The following CLIC3 variants were observed in gnomAD, a reference collection of about 807,000 sequenced individuals.
CLIC3 encodes chloride intracellular channel protein 3.
Under a neutral mutation model 19.9 loss-of-function variants are expected in CLIC3, and 29 were observed. The ratio of observed to expected loss-of-function variants is 1.46; its 90% confidence interval spans 1.09 to 1.99. The LOEUF (loss-of-function observed/expected upper bound fraction) is 1.99. CLIC3 is among the 30% of genes most tolerant of loss of function. The pLI is 0.00. For missense variants in CLIC3, 365 were observed against 342.6 expected (o/e 1.07, Z -0.52); for synonymous variants, 143 against 156.4 (o/e 0.91, Z 0.64).
intron 1 of CLIC3, 151 bp downstream of exon 1, chr9:136,996,360 C>A: frequency 1.4e-6 from 1 of 706,760 alleles, no homozygotes; most frequent in Non-Finnish European, 2.4e-6. Flanking sequence ...CTTTACTCAG[C>A]CTCTGTAGGG....
At position 136,994,785 on chromosome 9, in the gene CLIC3, G is replaced by C. The variant is rs1304742111; in HGVS notation, c.607C>G (p.Arg203Gly). ...TGCATCGCGCTGTCCAGGTAGCGGC[G>C]TACGCCGCGCAGCTCCGCGGGGATG... ...APIPAELRGV[R>G]RYLDSAMQEK... The change falls in exon 6 of 6, where the codon CGC becomes GGC. Residue 203 changes from arginine to glycine, a missense_variant. Arg to Gly is a moderately radical substitution (Grantham distance 125). Transcript: ENST00000494426. The C allele has an allele frequency of 6.3e-7, 1 of 1,595,332 alleles. No homozygotes were observed. The highest frequency in any genetic ancestry group is 1.1e-5 in the South Asian group (1 of 88,556).
chr9:136,996,465 G>C, intron 1 of CLIC3, 46 bp downstream of exon 1: 1 of 1,530,008 alleles, frequency 6.5e-7, no homozygotes, highest in Non-Finnish European at 8.9e-7. Context: ...GCCCAGAAAA[G>C]CGCTTCCTCC....
Position 136,995,504 on chromosome 9 carries a change from G to T in CLIC3, c.207C>A (p.Ser69Arg), listed in dbSNP as rs746331480. Residue 69 changes from serine (S) to arginine (R), a missense_variant, in exon 3 of 6, where the codon AGC (serine) becomes AGA (arginine). By Grantham distance (110) the Ser-to-Arg change is moderately radical. Coordinates refer to ENST00000494426, the MANE Select transcript of CLIC3 (RefSeq NM_004669.3). The stretch of plus-strand genomic sequence containing the variant: ...TCTGCAGCGTGTCTGTCTTGGCGTC[G>T]CTGTCATAGAGCAGGATGGGCAGCT... ...GSQLPILLYD[S>R]DAKTDTLQIE... 3 of 1,612,556 alleles carry T rather than the reference G, an allele frequency of 1.9e-6. No individual in the cohort carries two copies. Among genetic ancestry groups the T allele is most frequent in the South Asian group, 1.1e-5 (1 of 91,088 alleles).
In CLIC3 at chr9:136,995,692, G is replaced by A; in HGVS notation, c.99C>T (p.Leu33=). ...PSCQRLFMVL[L]LKGVPFTLTT... is the part of the protein sequence containing the mutation. ...TGAGGGTGAAAGGTACGCCCTTGAG[G>A]AGCAGGACCATGAAGAGCCGCTGGC... is the stretch of plus-strand genomic sequence containing the variant. Residue 33 remains leucine (L), a synonymous_variant, in exon 2 of 6, where the codon CTC becomes CTT. Transcript: ENST00000494426. The A allele has an allele frequency of 1.2e-5, 19 of 1,608,424 alleles. No individual in the cohort carries two copies. Among genetic ancestry groups the A allele is most frequent in the Non-Finnish European group, 1.5e-5 (18 of 1,178,312 alleles).
At position 136,996,533 on chromosome 9, in the gene CLIC3, G is replaced by C; in HGVS notation, c.11C>G (p.Thr4Ser). Reference protein sequence around the residue: MAETKLQLFVKASE... With the variant: MAESKLQLFVKASE... ...CACCTTGACAAACAGCTGGAGCTTG[G>C]TCTCCGCCATGGTGGGAGCTGCCGC... is the stretch of plus-strand genomic sequence containing the variant. Residue 4 changes from threonine to serine, a missense_variant, in exon 1 of 6, where the codon ACC becomes AGC. Physicochemically the swap from Thr to Ser is moderately conservative, Grantham distance 58. Coordinates refer to ENST00000494426, the MANE Select transcript of CLIC3 (RefSeq NM_004669.3). 1 of 1,554,890 alleles carries C rather than the reference G, an allele frequency of 6.4e-7. No individual in the cohort carries two copies. Among genetic ancestry groups the C allele is most frequent in the Non-Finnish European group, 8.7e-7 (1 of 1,148,716 alleles).
chr9:136,994,993 G>A lies in CLIC3; in HGVS notation c.489C>T (p.Phe163=), dbSNP rs1299837967. ...CCAGCGTGAGCCTGTCGCCGTCCAG[G>A]AAGCGGCGGCGGGACTCGCGCAGCT... ...EPQLRESRRR[F]LDGDRLTLAD... is the part of the protein sequence containing the mutation. Residue 163 remains phenylalanine, a synonymous_variant, in exon 5 of 6, where the codon TTC becomes TTT. Transcript: ENST00000494426. 4.6e-6 allele frequency: 7 copies of A among 1,506,544 alleles called. No homozygotes were observed. In the African/African-American group the frequency reaches 1.0e-4, roughly 22 times the overall value. The allele number at this position is 1,506,544 out of a possible 1,614,324, so 93.3% of individuals were successfully genotyped here.
intron 4 of CLIC3, 21 bp from the exon 5 acceptor site, chr9:136,995,126 T>C: frequency 1.9e-6 from 3 of 1,576,046 alleles, no homozygotes; most frequent in Non-Finnish European, 2.6e-6. Flanking sequence ...GGCGGCGCGG[T>C]GAGGACCAGG....
In CLIC3 at chr9:136,994,667, C is replaced by T. The variant is rs1350339498; in HGVS notation, c.*14G>A. On this transcript the variant is annotated 3_prime_UTR_variant, in exon 6 of 6. Coordinates refer to ENST00000494426, the MANE Select transcript of CLIC3 (RefSeq NM_004669.3). ...AAAGATGCCTTTATTGGGCGACAGA[C>T]GCGGGGTGGGGCGCTAGCGGGGGTG... 2 of 1,601,684 alleles carry T rather than the reference C, an allele frequency of 1.2e-6. No homozygotes were observed. Among genetic ancestry groups the T allele is most frequent in the Non-Finnish European group, 8.5e-7 (1 of 1,174,424 alleles).
rs1830694272 is a variant in CLIC3, at chr9:136,995,698, G to A, written c.93C>T (p.Val31=). 6.2e-7 allele frequency: 1 copy of A among 1,607,054 alleles called. No homozygotes were observed. The highest frequency in any genetic ancestry group is 8.5e-7 in the Non-Finnish European group (1 of 1,177,852). Reference sequence around the variant, plus strand: ...TGAAAGGTACGCCCTTGAGGAGCAGGACCATGAAGAGCCGCTGGCAGGAGG... The same window carrying A: ...TGAAAGGTACGCCCTTGAGGAGCAGAACCATGAAGAGCCGCTGGCAGGAGG... ...HCPSCQRLFM[V]LLLKGVPFTL... The change falls in exon 2 of 6, where the codon GTC becomes GTT. Residue 31 remains valine, a synonymous_variant. Transcript: ENST00000494426.
Position 136,994,615 on chromosome 9 carries a change from A to G in CLIC3, c.*66T>C. On this transcript the variant is annotated 3_prime_UTR_variant, in exon 6 of 6. Transcript: ENST00000494426. ...GTGATCCCGAGACCTCTGGCCCTTC[A>G]GATGTCAGGACACCCTCACTCCCGA... The G allele has an allele frequency of 2.0e-6, 3 of 1,518,532 alleles. No homozygotes were observed. The highest frequency in any genetic ancestry group is 2.7e-6 in the Non-Finnish European group (3 of 1,123,214). The allele number at this position is 1,518,532 out of a possible 1,614,324, so 94.1% of individuals were successfully genotyped here.
chr9:136,994,806 G>A lies in CLIC3; in HGVS notation c.586C>T (p.Pro196Ser), dbSNP rs1372641236. The A allele has an allele frequency of 2.5e-6, 4 of 1,586,880 alleles. No individual in the cohort carries two copies. In the South Asian group the frequency reaches 3.4e-5, roughly 14 times the overall value. ...CGGCGTACGCCGCGCAGCTCCGCGG[G>A]GATGGGCGCCTGGCGGAAGTGCGCG... ...VCAHFRQAPI[P>S]AELRGVRRYL... The change falls in exon 6 of 6, where the codon CCC becomes TCC. Residue 196 changes from proline to serine, a missense_variant. Pro to Ser is a moderately conservative substitution (Grantham distance 74). Coordinates refer to ENST00000494426, the MANE Select transcript of CLIC3 (RefSeq NM_004669.3).
At position 136,995,583 on chromosome 9, in the gene CLIC3, G is replaced by T; in HGVS notation, c.144-16C>A. 6.2e-7 allele frequency: 1 copy of T among 1,611,408 alleles called. No homozygotes were observed. Among genetic ancestry groups the T allele is most frequent in the Non-Finnish European group, 8.5e-7 (1 of 1,179,012 alleles). The stretch of plus-strand genomic sequence containing the variant: ...GTCCGGGGACCTGCGGGCAGCAGCG[G>T]GGTGGGAGGAGGCCGGCCCACCAGT... On this transcript the variant is annotated splice_polypyrimidine_tract_variant and intron_variant, in intron 2 of 5. Transcript: ENST00000494426.
chr9:136,995,320 T>G, intron 3 of CLIC3, 28 bp from the exon 4 acceptor site: 1 of 1,609,108 alleles, frequency 6.2e-7, no homozygotes, highest in Non-Finnish European at 8.5e-7. Flanking sequence ...GGGACTCCAT[T>G]AGACTGGGGG....
intron 1 of CLIC3, 101 bp downstream of exon 1, chr9:136,996,410 G>T: frequency 9.0e-7 from 1 of 1,112,832 alleles, no homozygotes; most frequent in Non-Finnish European, 1.3e-6. Context: ...AAGGGGCTCA[G>T]ACATTACTGG....
rs761762969 is a variant in CLIC3 at position 136,995,539 on chromosome 9, G to T, written c.172C>A (p.Pro58Thr). The T allele has an allele frequency of 1.2e-6, 2 of 1,612,338 alleles. No homozygotes were observed. Among genetic ancestry groups the T allele is most frequent in the African/African-American group, 2.7e-5 (2 of 74,914 alleles). The change falls in exon 3 of 6, where the codon CCC becomes ACC. Residue 58 changes from proline (P) to threonine (T), a missense_variant. Physicochemically the swap from Pro to Thr is conservative, Grantham distance 38. Transcript: ENST00000494426. ...RSPDVLKDFA[P>T]GSQLPILLYD... is the part of the protein sequence containing the mutation. ...AGCAGGATGGGCAGCTGCGAGCCGG[G>T]GGCGAAGTCCTTCAGCACGTCCGGG...
rs1446983454 is a variant in CLIC3, at chr9:136,995,174, AC to A, written c.376+11del. 1 of 1,609,076 alleles carries A rather than the reference AC, an allele frequency of 6.2e-7. No individual in the cohort carries two copies. The highest frequency in any genetic ancestry group is 1.3e-5 in the African/African-American group (1 of 74,964). ...TCCCGCCTGGGCACCCGACCCCCTG[AC>A]CCCGCTTCACCTTCGTCCTGCGCGG... On this transcript the variant is annotated intron_variant, in intron 4 of 5. Transcript: ENST00000494426.
chr9:136,995,927 C>T (rs1830698867), intron 1 of CLIC3, among the ~76,000 whole-genome samples, 170 bp from the exon 2 acceptor site: 1 of 152,174 alleles, frequency 6.6e-6, no homozygotes, highest in Admixed American at 6.5e-5. Flanking sequence ...TTGACTTGGT[C>T]CCCAGAACGT....
chr9:136,995,211 C>G lies in CLIC3; in HGVS notation c.351G>C (p.Lys117Asn), dbSNP rs1345058679. 1.2e-6 allele frequency: 2 copies of G among 1,612,768 alleles called. No individual in the cohort carries two copies. The highest frequency in any genetic ancestry group is 1.1e-5 in the South Asian group (1 of 91,086). Residue 117 changes from lysine to asparagine, a missense_variant, in exon 4 of 6, where the codon AAG becomes AAC. Physicochemically the swap from Lys to Asn is moderately conservative, Grantham distance 94 (BLOSUM62 0). Coordinates refer to ENST00000494426, the MANE Select transcript of CLIC3 (RefSeq NM_004669.3). ...CTTCGTCCTGCGCGGGCACCGGGTT[C>G]TTGATGAACGCGGAGAACTTGTGGA... ...DVFHKFSAFI[K>N]NPVPAQDEAL...
chr9:136,994,759 C>T lies in CLIC3; in HGVS notation c.633G>A (p.Gln211=). 6.2e-7 allele frequency: 1 copy of T among 1,604,384 alleles called. No homozygotes were observed. The highest frequency in any genetic ancestry group is 1.1e-5 in the South Asian group (1 of 89,694). The change falls in exon 6 of 6, where the codon CAG becomes CAA. Residue 211 remains glutamine (Q), a synonymous_variant. Coordinates refer to ENST00000494426, the MANE Select transcript of CLIC3 (RefSeq NM_004669.3). ...GVRRYLDSAM[Q]EKEFKYTCPH... ...GACACGTGTATTTGAACTCTTTCTCCTGCATCGCGCTGTCCAGGTAGCGGC... is the reference window on the plus strand; with the variant it reads ...GACACGTGTATTTGAACTCTTTCTCTTGCATCGCGCTGTCCAGGTAGCGGC...
Sources: allele counts gnomAD v4.1 joint callset (sites outside exome capture counted in the v4.1 genomes callset), GRCh38; gene constraint gnomAD v4.1.1; transcripts MANE v1.5; gene names NCBI Gene and HGNC (gene_info 2026-07-23, HGNC 2026-07-21).